The following PTN variants were observed in gnomAD, a reference collection of about 807,000 sequenced individuals.
PTN encodes pleiotrophin.
PTN carries 18 observed loss-of-function variants against 24.1 expected under a neutral mutation model. That is an observed-to-expected ratio of 0.75 (90% CI 0.52 to 1.11). PTN has a LOEUF of 1.11. Among genes scored for constraint, PTN ranks in the 50% least tolerant of loss-of-function variants. The pLI is 0.00. For synonymous variants in PTN, 78 were observed against 68.6 expected, an observed-to-expected ratio of 1.14 and a Z score of -0.67; for missense variants, 163 against 198.8, an observed-to-expected ratio of 0.82 and a Z score of 1.08.
At chr7:137,259,340 G>A (rs922762390) in intron 1 of PTN, among the ~76,000 whole-genome samples, 10 of 151,940 alleles carry the variant, frequency 6.6e-5, no homozygotes, top group Admixed American at 1.3e-4. Context: ...CCTATTTGGG[G>A]GATTAATACA....
rs1018363217 is a variant in PTN, at chr7:137,245,121, C to T, written c.451+6109G>A. Among the ~76,000 whole-genome samples, 17 of 152,098 alleles carry T rather than the reference C, an allele frequency of 1.1e-4. 1 individual carries two copies. The highest frequency in any genetic ancestry group is 6.5e-4 in the Admixed American group (10 of 15,272). On this transcript the variant is annotated intron_variant, in intron 4 of 4. Transcript: ENST00000348225. ...ACCAAGTGGTTTGCATATTAATCCA[C>T]GGCCATTTCCCAAAACAAAAGTGGT... is the stretch of plus-strand genomic sequence containing the variant.
chr7:137,269,686 C>G (rs537875072), intron 1 of PTN, among the ~76,000 whole-genome samples: 9 of 126,782 alleles, frequency 7.1e-5, no homozygotes, highest in African/African-American at 2.8e-4. Flanking sequence ...AGGCTGGAGT[C>G]CAGTGGCATG....
chr7:137,338,709 T>G (rs1386477257), intron 1 of PTN, among the ~76,000 whole-genome samples: 1 of 152,164 alleles, frequency 6.6e-6, no homozygotes, highest in Non-Finnish European at 1.5e-5. Flanking sequence ...ACCTACCATA[T>G]AGTATGTCAG....
At chr7:137,304,954 C>T (rs971109858) in intron 1 of PTN, among the ~76,000 whole-genome samples, 15 of 152,072 alleles carry the variant, frequency 9.9e-5, no homozygotes, top group South Asian at 6.2e-4. Context: ...TTATAGCGGC[C>T]GTATTATTTA....
chr7:137,258,254 T>C (rs1307939604), intron 1 of PTN, among the ~76,000 whole-genome samples: 1 of 152,186 alleles, frequency 6.6e-6, no homozygotes, highest in Non-Finnish European at 1.5e-5. Flanking sequence ...GAAAGGTAAG[T>C]ACTAGATGGG....
intron 1 of PTN, among the ~76,000 whole-genome samples, chr7:137,337,535 G>A (rs1191043115): frequency 1.3e-5 from 2 of 152,154 alleles, no homozygotes; most frequent in Non-Finnish European, 2.9e-5. Flanking sequence ...TGAAAATAAT[G>A]CTTCAAATTA....
At chr7:137,296,245 TATC>T (rs576770151) in intron 1 of PTN, among the ~76,000 whole-genome samples, 1 of 152,222 alleles carries the variant, frequency 6.6e-6, no homozygotes, top group East Asian at 1.9e-4. Flanking sequence ...ATATTGCCAT[TATC>T]ATCATTTATA....
At chr7:137,241,314 T>C (rs903974440) in intron 4 of PTN, among the ~76,000 whole-genome samples, 1 of 152,138 alleles carries the variant, frequency 6.6e-6, no homozygotes, top group African/African-American at 2.4e-5. Flanking sequence ...TATGTAAAAA[T>C]AAATATAACA....
chr7:137,285,773 T>C (rs1809544145), intron 1 of PTN, among the ~76,000 whole-genome samples: 2 of 152,380 alleles, frequency 1.3e-5, no homozygotes, highest in Non-Finnish European at 2.9e-5. Flanking sequence ...AGCAACTTCA[T>C]GTATCTAGAA....
chr7:137,251,137 C>T (rs1004043147), intron 4 of PTN, 93 bp downstream of exon 4: 1 of 1,397,246 alleles, frequency 7.2e-7, no homozygotes, highest in African/African-American at 1.4e-5. Context: ...TAAGGTAATT[C>T]ACCTAATATT....
chr7:137,299,853 G>C (rs1481436571), intron 1 of PTN, among the ~76,000 whole-genome samples: 2 of 151,878 alleles, frequency 1.3e-5, no homozygotes, highest in Non-Finnish European at 2.9e-5. Context: ...CTAGAATCAT[G>C]GTAGCCCCCA....
intron 1 of PTN, among the ~76,000 whole-genome samples, chr7:137,335,714 T>C (rs1810436687): frequency 6.6e-6 from 1 of 152,172 alleles, no homozygotes; most frequent in Non-Finnish European, 1.5e-5. Flanking sequence ...CCTGGGTGAC[T>C]GGTATGAACA....
At chr7:137,301,656 G>A (rs1809808157) in intron 1 of PTN, among the ~76,000 whole-genome samples, 1 of 151,660 alleles carries the variant, frequency 6.6e-6, no homozygotes, top group African/African-American at 2.4e-5. Context: ...CCCATGGAAA[G>A]TACCAATGAG....
chr7:137,230,465 T>G (rs1585001657), intron 4 of PTN, among the ~76,000 whole-genome samples: 1 of 151,910 alleles, frequency 6.6e-6, no homozygotes, highest in East Asian at 1.9e-4. Flanking sequence ...GAGTCTACTC[T>G]GGGCTCAATC....
intron 4 of PTN, among the ~76,000 whole-genome samples, chr7:137,236,489 C>A (rs950260765): frequency 6.6e-6 from 1 of 152,092 alleles, no homozygotes; most frequent in African/African-American, 2.4e-5. Flanking sequence ...CATACACATA[C>A]ACAGACAGAG....
At chr7:137,284,284 G>C (rs1218599819) in intron 1 of PTN, among the ~76,000 whole-genome samples, 2 of 151,956 alleles carry the variant, frequency 1.3e-5, no homozygotes, top group Non-Finnish European at 2.9e-5. Flanking sequence ...TGGTATGTAC[G>C]AATTGATTGC....
intron 1 of PTN, among the ~76,000 whole-genome samples, chr7:137,296,956 T>C (rs1032559752): frequency 6.6e-6 from 1 of 152,092 alleles, no homozygotes; most frequent in Non-Finnish European, 1.5e-5. Flanking sequence ...AGCTATTTTA[T>C]GCTTACTTGA....
intron 2 of PTN, 23 bp downstream of exon 2, chr7:137,254,836 G>T: frequency 6.8e-7 from 1 of 1,468,562 alleles, no homozygotes; most frequent in Non-Finnish European, 9.3e-7. Flanking sequence ...GAAGCATCTT[G>T]CCTTCAGAAC....
chr7:137,289,777 G>A (rs542418475), intron 1 of PTN, among the ~76,000 whole-genome samples: 2 of 152,244 alleles, frequency 1.3e-5, no homozygotes, highest in African/African-American at 2.4e-5. Flanking sequence ...TAAGTTTGCT[G>A]TTCCCCAAAA....
Sources: gnomAD v4.1 joint callset for allele counts (sites outside exome capture counted in the v4.1 genomes callset) on GRCh38, gnomAD v4.1.1 for gene constraint, MANE v1.5 for transcripts, NCBI Gene and HGNC (gene_info 2026-07-23, HGNC 2026-07-21) for gene names.